IFI44L: variants seen among roughly 807,000 people sequenced by gnomAD.
IFI44L encodes the protein interferon-induced protein 44-like.
IFI44L carries 40 observed loss-of-function variants against 39.3 expected under a neutral mutation model. That is an observed-to-expected ratio of 1.02 (90% confidence interval 0.79 to 1.33). The LOEUF is 1.33. Ranked by LOEUF, IFI44L falls within the 40% of genes most tolerant of loss-of-function variation. The pLI is 0.00. For missense variants in IFI44L, 623 were observed against 549.0 expected, an observed-to-expected ratio of 1.13 and a Z score of -1.35; for synonymous variants, 198 against 182.3, an observed-to-expected ratio of 1.09 and a Z score of -0.69.
chr1:78,622,959 G>A (rs924925358), intron 1 of IFI44L, among the ~76,000 whole-genome samples: 3 of 152,160 alleles, frequency 2.0e-5, no homozygotes, highest in Non-Finnish European at 2.9e-5. Context: ...AACCAAACTG[G>A]ATTTCTGACC....
intron 4 of IFI44L, among the ~76,000 whole-genome samples, chr1:78,632,577 A>C (rs1570359740): frequency 6.6e-6 from 1 of 152,238 alleles, no homozygotes. Flanking sequence ...AATGTCGCAG[A>C]TTCCACATTG....
chr1:78,631,895 A>G (rs537749649), intron 4 of IFI44L, among the ~76,000 whole-genome samples: 2 of 152,166 alleles, frequency 1.3e-5, no homozygotes, highest in South Asian at 2.1e-4. Context: ...AAACACTACT[A>G]GTAGTCACTG....
chr1:78,633,640 G>A (rs1652835263), intron 4 of IFI44L, among the ~76,000 whole-genome samples: 1 of 152,156 alleles, frequency 6.6e-6, no homozygotes, highest in Admixed American at 6.5e-5. Context: ...TTCCAGAGAT[G>A]TTTATACATT....
At chr1:78,622,222 T>G (rs1164406776) in intron 1 of IFI44L, among the ~76,000 whole-genome samples, 1 of 152,176 alleles carries the variant, frequency 6.6e-6, no homozygotes, top group African/African-American at 2.4e-5. Context: ...TCACTTAATA[T>G]TCTCCAGTTC....
Position 78,641,082 on chromosome 1 carries a change from C to A in IFI44L, c.1110C>A (p.Asn370Lys). 1 of 1,612,846 alleles carries A rather than the reference C, an allele frequency of 6.2e-7. No individual in the cohort carries two copies. The highest frequency in any genetic ancestry group is 8.5e-7 in the Non-Finnish European group (1 of 1,179,140). Residue 370 changes from asparagine (N) to lysine (K), a missense_variant, in exon 7 of 9, where the codon AAC becomes AAA. Asn to Lys is a moderately conservative substitution (Grantham distance 94, BLOSUM62 0). Coordinates refer to ENST00000370751, the MANE Select transcript of IFI44L (RefSeq NM_006820.4). ...VDDCSEVLQD[N>K]FLNMSRSMTS... ...ATTGCAGTGAGGTTCTTCAAGACAA[C>A]TTTTTAAACATGAGTAGATCTATGA... is the stretch of plus-strand genomic sequence containing the variant.
At chr1:78,632,673 G>A (rs529131650) in intron 4 of IFI44L, among the ~76,000 whole-genome samples, 2 of 152,204 alleles carry the variant, frequency 1.3e-5, no homozygotes, top group East Asian at 1.9e-4. Flanking sequence ...GCTATACAGT[G>A]AAATATTACC....
At chr1:78,629,955 A>G (rs1406462888) in intron 4 of IFI44L, 40 bp downstream of exon 4, 3 of 1,512,846 alleles carry the variant, frequency 2.0e-6, no homozygotes, top group Non-Finnish European at 2.7e-6. Context: ...ATAGATTACA[A>G]TTATTATATT....
intron 5 of IFI44L, among the ~76,000 whole-genome samples, chr1:78,636,389 T>C (rs953200530): frequency 3.9e-5 from 6 of 152,026 alleles, no homozygotes; most frequent in African/African-American, 1.4e-4. Flanking sequence ...AACACCCTAA[T>C]TTTTCACAGC....
At position 78,643,662 on chromosome 1, in the gene IFI44L, T is replaced by G. The variant is rs1420023630; in HGVS notation, c.*1853T>G. The G allele has an allele frequency of 5.5e-5, 8 of 144,654 alleles. No homozygotes were observed. The highest frequency in any genetic ancestry group is 1.5e-4 in the African/African-American group (6 of 40,688). 9.0% of individuals were successfully genotyped at this position (144,654 alleles called of 1,614,324 possible). ...TTTTTTTTTGTTGTTGTTTTTTTTT[T>G]TTTTTGTTTTTTTGCTGAGTCAATT... On this transcript the variant is annotated 3_prime_UTR_variant, in exon 9 of 9. Transcript: ENST00000370751.
intron 1 of IFI44L, among the ~76,000 whole-genome samples, chr1:78,623,389 GTTTTTTGTT>G (rs1557681292): frequency 2.0e-4 from 4 of 19,926 alleles, no homozygotes; most frequent in African/African-American, 5.3e-4. Flanking sequence ...TGGTTTAAGT[GTTTTTTGTT>G]TTTTTTTTTT....
In IFI44L at chr1:78,628,962, A is replaced by G. The variant is rs200757473; in HGVS notation, c.490A>G (p.Asn164Asp). ...EVFRVEGIKD[N>D]LDDIKRIIKA... ...TTTATTTCCTATAGGAATTAAGGAT[A>G]ACCTAGACGACATAAAGAGGATAAT... The change falls in exon 3 of 9, where the codon AAC becomes GAC. Residue 164 changes from asparagine to aspartate, a missense_variant. Transcript: ENST00000370751. 8.9e-6 allele frequency: 14 copies of G among 1,573,450 alleles called. No homozygotes were observed. The Admixed American group carries it at 2.4e-4, about 27-fold the overall frequency.
chr1:78,632,333 A>T (rs1021721700), intron 4 of IFI44L, among the ~76,000 whole-genome samples: 1 of 152,214 alleles, frequency 6.6e-6, no homozygotes, highest in African/African-American at 2.4e-5. Flanking sequence ...CACTATTCTG[A>T]GCCTGACAGC....
chr1:78,636,520 G>A (rs925632768), intron 5 of IFI44L, among the ~76,000 whole-genome samples: 1 of 152,062 alleles, frequency 6.6e-6, no homozygotes, highest in Admixed American at 6.6e-5. Flanking sequence ...GTGGTAAGAA[G>A]ACATTAACTT....
rs1008660857 is a variant in IFI44L, at chr1:78,645,144, T to A, written c.*3335T>A. 2.0e-5 allele frequency: 3 copies of A among 152,220 alleles called. No homozygotes were observed. Among genetic ancestry groups the A allele is most frequent in the Non-Finnish European group, 4.4e-5 (3 of 68,042 alleles). The allele number at this position is 152,220 out of a possible 1,614,324, so 9.4% of individuals were successfully genotyped here. A position where few individuals can be genotyped will look rare whatever the true frequency, so the allele number is the denominator to read the frequency against. Reference sequence around the variant, plus strand: ...TTATCTTCATTTTCCTGGAATTTGATACAGAGAGCAATTTATAGCCAATTG... The same window carrying A: ...TTATCTTCATTTTCCTGGAATTTGAAACAGAGAGCAATTTATAGCCAATTG... On this transcript the variant is annotated 3_prime_UTR_variant, in exon 9 of 9. Coordinates refer to ENST00000370751, the MANE Select transcript of IFI44L (RefSeq NM_006820.4).
intron 1 of IFI44L, chr1:78,626,518 TC>T (rs1203079482): frequency 6.6e-6 from 1 of 152,054 alleles, no homozygotes; most frequent in African/African-American, 2.4e-5. Context: ...GGAAGAATGT[TC>T]TTTTCATCCA....
intron 1 of IFI44L, among the ~76,000 whole-genome samples, chr1:78,624,602 T>C (rs775666589): frequency 6.6e-6 from 1 of 152,142 alleles, no homozygotes; most frequent in Non-Finnish European, 1.5e-5. Flanking sequence ...ATTGGGACTA[T>C]AGTGTTCAAG....
chr1:78,622,300 A>G (rs1026287696), intron 1 of IFI44L, among the ~76,000 whole-genome samples: 2 of 152,174 alleles, frequency 1.3e-5, no homozygotes, highest in Non-Finnish European at 2.9e-5. Context: ...ATTGTGTAAT[A>G]TACCACATTT....
chr1:78,627,468 T>G (rs1652534746), intron 1 of IFI44L: 1 of 152,196 alleles, frequency 6.6e-6, no homozygotes, highest in African/African-American at 2.4e-5. Context: ...GCCATATACT[T>G]TTTTAAAGAA....
chr1:78,626,225 T>C (rs543924884), intron 1 of IFI44L: 2 of 152,120 alleles, frequency 1.3e-5, no homozygotes, highest in Admixed American at 1.3e-4. Context: ...TAATTATTAA[T>C]TTCAGATATA....
Sources: allele counts gnomAD v4.1 joint callset (sites outside exome capture counted in the v4.1 genomes callset), GRCh38; gene constraint gnomAD v4.1.1; transcripts MANE v1.5; gene names NCBI Gene and HGNC (gene_info 2026-07-23, HGNC 2026-07-21).